MAST4: variants seen among roughly 807,000 people sequenced by gnomAD.
MAST4 encodes microtubule-associated serine/threonine-protein kinase 4.
MAST4 carries 89 observed loss-of-function variants against 162.7 expected under a neutral mutation model. The ratio of observed to expected loss-of-function variants is 0.55; its 90% confidence interval spans 0.46 to 0.65. The LOEUF (loss-of-function observed/expected upper bound fraction) is 0.65, where lower values mean the gene tolerates loss of function less well. Among genes scored for constraint, MAST4 ranks in the 30% least tolerant of loss-of-function variants. The probability of loss-of-function intolerance (pLI) is 0.00; values close to 1 mark genes in which losing one functional copy is unlikely to be tolerated. For synonymous variants in MAST4, 1,479 were observed against 1,361.1 expected, an observed-to-expected ratio of 1.09 and a Z score of -1.91; for missense variants, 3,153 against 3,374.0, an observed-to-expected ratio of 0.93 and a Z score of 1.62.
intron 4 of MAST4, among the ~76,000 whole-genome samples, chr5:67,031,910 G>C (rs1323935733): frequency 6.6e-6 from 1 of 152,104 alleles, no homozygotes; most frequent in African/African-American, 2.4e-5. Flanking sequence ...TGGAGAACTA[G>C]ATCACTGGTG....
chr5:66,698,152 C>G (rs1417164069), intron 1 of MAST4, among the ~76,000 whole-genome samples: 2 of 151,920 alleles, frequency 1.3e-5, no homozygotes, highest in African/African-American at 4.8e-5. Context: ...AATCCCTTGC[C>G]TCTCTCTCAC....
intron 3 of MAST4, among the ~76,000 whole-genome samples, chr5:66,835,889 G>C (rs1000827114): frequency 6.6e-5 from 10 of 152,116 alleles, no homozygotes; most frequent in African/African-American, 2.4e-4. Flanking sequence ...ATGCTTTTGG[G>C]ATGGGTGCAG....
At chr5:66,926,112 T>A (rs973969935) in intron 4 of MAST4, among the ~76,000 whole-genome samples, 1 of 152,196 alleles carries the variant, frequency 6.6e-6, no homozygotes, top group Admixed American at 6.5e-5. Flanking sequence ...TCTCATTTAC[T>A]GGTATGAATT....
At chr5:66,693,745 C>T (rs1430477901) in intron 1 of MAST4, among the ~76,000 whole-genome samples, 1 of 127,638 alleles carries the variant, frequency 7.8e-6, no homozygotes, top group Non-Finnish European at 1.6e-5. Flanking sequence ...ATATGGTCCT[C>T]GCTCTCCTAG....
At chr5:66,736,128 C>G (rs1752137524) in intron 1 of MAST4, among the ~76,000 whole-genome samples, 1 of 151,938 alleles carries the variant, frequency 6.6e-6, no homozygotes, top group South Asian at 2.1e-4. Flanking sequence ...TTTGTTTTAA[C>G]CTTACTTGCA....
chr5:66,809,683 T>G (rs544190970), intron 3 of MAST4, among the ~76,000 whole-genome samples: 154 of 152,176 alleles, frequency 1.0e-3, no homozygotes, highest in Non-Finnish European at 1.7e-3. Flanking sequence ...TGTGAATAAT[T>G]ATTGCTATTT....
chr5:67,102,439 C>A (rs1390914894), intron 8 of MAST4, 97 bp from the exon 9 acceptor site: 2 of 1,066,026 alleles, frequency 1.9e-6, no homozygotes, highest in African/African-American at 1.6e-5. Flanking sequence ...ACAAAGGTTG[C>A]ATAGTACTTT....
chr5:66,703,710 C>T (rs1749929677), intron 1 of MAST4, among the ~76,000 whole-genome samples: 1 of 152,096 alleles, frequency 6.6e-6, no homozygotes, highest in Non-Finnish European at 1.5e-5. Flanking sequence ...CTGTTCTCTC[C>T]AGAAGAATGG....
intron 5 of MAST4, among the ~76,000 whole-genome samples, chr5:67,063,972 A>T (rs191567495): frequency 1.3e-5 from 2 of 152,314 alleles, no homozygotes; most frequent in Admixed American, 1.3e-4. Flanking sequence ...CATACTTAAG[A>T]GTTCACTTTG....
intron 1 of MAST4, among the ~76,000 whole-genome samples, chr5:66,652,506 A>G (rs1746292934): frequency 6.6e-6 from 1 of 152,236 alleles, no homozygotes; most frequent in Non-Finnish European, 1.5e-5. Flanking sequence ...AAAGTGATAT[A>G]ACAAATTTGA....
At chr5:67,019,822 T>C (rs1229904004) in intron 4 of MAST4, among the ~76,000 whole-genome samples, 1 of 152,178 alleles carries the variant, frequency 6.6e-6, no homozygotes, top group African/African-American at 2.4e-5. Context: ...GAGTCGTATG[T>C]TGAAAATCTG....
intron 5 of MAST4, among the ~76,000 whole-genome samples, chr5:67,080,640 A>G (rs939361903): frequency 6.6e-6 from 1 of 152,106 alleles, no homozygotes; most frequent in African/African-American, 2.4e-5. Context: ...GCAAGAAGGA[A>G]TGATAAGAAT....
rs151291206 is a variant in MAST4 at position 66,927,750 on chromosome 5, G to A, written c.674+27768G>A. 4.7e-3 allele frequency among the ~76,000 whole-genome samples: 711 copies of A among 152,302 alleles called. 3 individuals are homozygous for A. Among genetic ancestry groups the A allele is most frequent in the African/African-American group, 0.016 (666 of 41,560 alleles). On this transcript the variant is annotated intron_variant, in intron 4 of 28. Coordinates refer to ENST00000403625, the MANE Select transcript of MAST4 (RefSeq NM_001164664.2). ...CCTCATGTATCAGTTTCCTAGGGTT[G>A]CCATGACAAAGTATCACATATCAGG...
intron 1 of MAST4, among the ~76,000 whole-genome samples, chr5:66,732,887 G>A (rs1055037028): frequency 2.0e-5 from 3 of 152,122 alleles, no homozygotes; most frequent in African/African-American, 2.4e-5. Flanking sequence ...TTCGCCATTC[G>A]GTCTCTAAAG....
intron 3 of MAST4, among the ~76,000 whole-genome samples, chr5:66,807,044 T>C (rs1039829269): frequency 2.6e-4 from 40 of 152,200 alleles, no homozygotes; most frequent in Non-Finnish European, 1.0e-4. Flanking sequence ...GCTTTTAATT[T>C]TTGTGGGTAC....
intron 5 of MAST4, among the ~76,000 whole-genome samples, chr5:67,068,052 CT>C (rs1004142282): frequency 9.2e-5 from 14 of 152,170 alleles, no homozygotes; most frequent in African/African-American, 2.9e-4. Context: ...CCCCAGATCT[CT>C]GCATCTTGCA....
intron 2 of MAST4, among the ~76,000 whole-genome samples, chr5:66,786,706 GC>G (rs1384505436): frequency 6.6e-6 from 1 of 152,040 alleles, no homozygotes; most frequent in Admixed American, 6.6e-5. Context: ...TCTTAGTTCA[GC>G]TTTTAGTGCA....
intron 1 of MAST4, among the ~76,000 whole-genome samples, chr5:66,639,750 A>C (rs1037880278): frequency 6.6e-6 from 1 of 152,192 alleles, no homozygotes; most frequent in Non-Finnish European, 1.5e-5. Flanking sequence ...ATGTAAAATT[A>C]AACCTAAGTA....
At chr5:67,042,225 A>C (rs959345349) in intron 4 of MAST4, among the ~76,000 whole-genome samples, 4 of 152,068 alleles carry the variant, frequency 2.6e-5, no homozygotes, top group African/African-American at 9.7e-5. Flanking sequence ...GTTTGCCACT[A>C]ATTGGTGGTG....
Sources: allele counts gnomAD v4.1 joint callset (sites outside exome capture counted in the v4.1 genomes callset), GRCh38; gene constraint gnomAD v4.1.1; transcripts MANE v1.5; gene names NCBI Gene and HGNC (gene_info 2026-07-23, HGNC 2026-07-21).